Variants in DUSP14 observed in about 807,000 individuals in gnomAD.
DUSP14 encodes dual specificity protein phosphatase 14.
In DUSP14, 5 loss-of-function variants were observed where a neutral mutation model predicts 13.2. That is an observed-to-expected ratio of 0.38 (90% CI 0.20 to 0.80). The LOEUF is 0.80. DUSP14 is among the 30% of genes least tolerant of loss of function. DUSP14 has a pLI of 0.44. For missense variants in DUSP14, 185 were observed against 264.0 expected (o/e 0.70, Z 2.07); for synonymous variants, 91 against 103.4 (o/e 0.88, Z 0.73).
chr17:37,504,190 T>A (rs536121221), intron 1 of DUSP14, among the ~76,000 whole-genome samples: 23 of 152,210 alleles, frequency 1.5e-4, no homozygotes, highest in African/African-American at 5.5e-4. Flanking sequence ...CAAGACACCA[T>A]CTCAAACAAA....
intron 1 of DUSP14, among the ~76,000 whole-genome samples, chr17:37,493,074 T>C (rs187202095): frequency 6.6e-6 from 1 of 152,326 alleles, no homozygotes; most frequent in African/African-American, 2.4e-5. Flanking sequence ...TTTAAATTTC[T>C]GCAGCATGCT....
At chr17:37,509,050 T>G in intron 1 of DUSP14, among the ~76,000 whole-genome samples, 1 of 120,126 alleles carries the variant, frequency 8.3e-6, no homozygotes, top group Non-Finnish European at 1.6e-5. Context: ...GCGTCATGGG[T>G]GAATGTCTAA....
intron 2 of DUSP14, among the ~76,000 whole-genome samples, chr17:37,511,424 G>GCA (rs1597975322): frequency 6.6e-6 from 1 of 151,884 alleles, no homozygotes; most frequent in Non-Finnish European, 1.5e-5. Context: ...GGGATTACAG[G>GCA]TGCTCGCCAC....
intron 1 of DUSP14, among the ~76,000 whole-genome samples, chr17:37,493,221 C>T (rs998644439): frequency 2.0e-5 from 3 of 152,174 alleles, no homozygotes. Context: ...CCTGGGCCTC[C>T]CAAAGTGCTG....
chr17:37,500,873 A>G (rs2054100219), intron 1 of DUSP14, among the ~76,000 whole-genome samples: 1 of 152,178 alleles, frequency 6.6e-6, no homozygotes, highest in Non-Finnish European at 1.5e-5. Context: ...TGTAGACGTA[A>G]AGCACAATCA....
chr17:37,498,905 G>A (rs1295877359), intron 1 of DUSP14, among the ~76,000 whole-genome samples: 10 of 152,134 alleles, frequency 6.6e-5, no homozygotes, highest in Admixed American at 6.5e-4. Flanking sequence ...CTAACAGGCA[G>A]CCCAGGTGAT....
chr17:37,505,561 C>T (rs1331465126), intron 1 of DUSP14, among the ~76,000 whole-genome samples: 1 of 150,300 alleles, frequency 6.7e-6, no homozygotes, highest in Non-Finnish European at 1.5e-5. Flanking sequence ...TGGCCATTTT[C>T]TGCTGTTGAC....
At chr17:37,501,924 T>C (rs2054107829) in intron 1 of DUSP14, among the ~76,000 whole-genome samples, 1 of 152,216 alleles carries the variant, frequency 6.6e-6, no homozygotes. Flanking sequence ...GGGCTGTTTT[T>C]ACTTTGCTTT....
chr17:37,509,122 TATATATACACACAC>T lies in DUSP14; in HGVS notation c.-180-1553_-180-1540del, dbSNP rs1234009951. Among the ~76,000 whole-genome samples the T allele has an allele frequency of 1.9e-3, 82 of 43,202 alleles. 17 individuals carry two copies. Among genetic ancestry groups the T allele is most frequent in the African/African-American group, 8.3e-3 (81 of 9,776 alleles). The allele number at this position is 43,202 out of a possible 152,430, so 28.3% of individuals were successfully genotyped here. On this transcript the variant is annotated intron_variant, in intron 1 of 2. Transcript: ENST00000617516. ...AAAAACCCATATATATATATATATATATATATACACACACACACACACACACACACACACACACA... is the reference window on the plus strand; with the variant it reads ...AAAAACCCATATATATATATATATATACACACACACACACACACACACACA...
At chr17:37,500,144 G>C (rs189059588) in intron 1 of DUSP14, among the ~76,000 whole-genome samples, 4 of 152,262 alleles carry the variant, frequency 2.6e-5, no homozygotes, top group Admixed American at 2.6e-4. Context: ...ACTCTAGCGT[G>C]GTAATTATAG....
At chr17:37,510,921 G>A (rs1426415209) in intron 2 of DUSP14, among the ~76,000 whole-genome samples, 157 bp downstream of exon 2, 1 of 151,802 alleles carries the variant, frequency 6.6e-6, no homozygotes, top group Non-Finnish European at 1.5e-5. Context: ...TTTTTGGTGA[G>A]AGGAACGGAT....
chr17:37,511,347 C>A (rs767119265), intron 2 of DUSP14, among the ~76,000 whole-genome samples: 1 of 152,102 alleles, frequency 6.6e-6, no homozygotes, highest in African/African-American at 2.4e-5. Flanking sequence ...GTGGCACGAT[C>A]TCAGCTAGTT....
At chr17:37,508,989 G>A (rs2054155978) in intron 1 of DUSP14, among the ~76,000 whole-genome samples, 1 of 142,440 alleles carries the variant, frequency 7.0e-6, no homozygotes, top group Admixed American at 7.1e-5. Context: ...TAAACAGAGT[G>A]TGGTGTATCT....
At chr17:37,504,985 G>A (rs1397908180) in intron 1 of DUSP14, among the ~76,000 whole-genome samples, 1 of 152,162 alleles carries the variant, frequency 6.6e-6, no homozygotes, top group Admixed American at 6.5e-5. Context: ...TCCGCCTCCC[G>A]GGTTCAAGCG....
At position 37,512,979 on chromosome 17, in the gene DUSP14, T is replaced by G; in HGVS notation, c.*110T>G. 2.1e-6 allele frequency: 2 copies of G among 931,574 alleles called. No homozygotes were observed. The highest frequency in any genetic ancestry group is 3.3e-6 in the Non-Finnish European group (2 of 606,348). The allele number at this position is 931,574 out of a possible 1,614,324, so 57.7% of individuals were successfully genotyped here. On this transcript the variant is annotated 3_prime_UTR_variant, in exon 3 of 3. Transcript: ENST00000617516. The surrounding 1 kb of genome is among the most constrained non-coding windows in gnomAD (Gnocchi z 4.8). Reference sequence around the variant, plus strand: ...GGCTGACTTCTGGTTCTCCCTCAAGTGTTTTTTACACTGGGTGTTCAAATT... The same window carrying G: ...GGCTGACTTCTGGTTCTCCCTCAAGGGTTTTTTACACTGGGTGTTCAAATT...
intron 1 of DUSP14, among the ~76,000 whole-genome samples, chr17:37,507,699 A>G (rs2054147161): frequency 6.6e-6 from 1 of 152,104 alleles, no homozygotes; most frequent in Non-Finnish European, 1.5e-5. Context: ...TCGGCCTCCC[A>G]AAGTGCTGGG....
intron 1 of DUSP14, among the ~76,000 whole-genome samples, chr17:37,501,502 C>T (rs959059355): frequency 6.6e-6 from 1 of 152,036 alleles, no homozygotes; most frequent in African/African-American, 2.4e-5. Context: ...GAATAGCCCC[C>T]ATTCCAAGTC....
intron 1 of DUSP14, among the ~76,000 whole-genome samples, chr17:37,507,121 G>A (rs904150760): frequency 6.6e-6 from 1 of 152,150 alleles, no homozygotes; most frequent in Admixed American, 6.5e-5. Context: ...TCTGAACCAT[G>A]TATTTTCCAA....
chr17:37,495,122 A>T (rs1173433845), intron 1 of DUSP14, among the ~76,000 whole-genome samples: 1 of 152,002 alleles, frequency 6.6e-6, no homozygotes, highest in Non-Finnish European at 1.5e-5. Context: ...GTTCTTTGTC[A>T]CCCCTTCGGC....
Sources: allele counts gnomAD v4.1 joint callset (sites outside exome capture counted in the v4.1 genomes callset), GRCh38; gene constraint gnomAD v4.1.1; non-coding constraint Gnocchi (gnomAD v3.1); transcripts MANE v1.5; gene names NCBI Gene and HGNC (gene_info 2026-07-23, HGNC 2026-07-21).